The following GABRB3 variants were observed in gnomAD, a reference collection of about 807,000 sequenced individuals.
GABRB3 encodes the protein gamma-aminobutyric acid receptor subunit beta-3.
Under a neutral mutation model 52.1 loss-of-function variants are expected in GABRB3, and 14 were observed. That is an observed-to-expected ratio of 0.27 (90% CI 0.18 to 0.42). GABRB3 has a LOEUF of 0.42. Ranked by LOEUF, GABRB3 falls within the 10% of genes least tolerant of loss-of-function variation. The pLI is 1.00. For synonymous variants in GABRB3, 260 were observed against 232.3 expected, an observed-to-expected ratio of 1.12 and a Z score of -1.08; for missense variants, 307 against 609.1, an observed-to-expected ratio of 0.50 and a Z score of 5.22.
intron 4 of GABRB3, among the ~76,000 whole-genome samples, chr15:26,587,636 TGTGCAGGAGTTGC>T (rs1891042672): frequency 6.6e-6 from 1 of 152,096 alleles, no homozygotes; most frequent in South Asian, 2.1e-4. Context: ...TCTCAAAGCT[TGTGCAGGAGTTGC>T]GTTAAGGTTG....
chr15:26,698,670 A>G (rs1888826857), intron 3 of GABRB3, among the ~76,000 whole-genome samples: 1 of 152,170 alleles, frequency 6.6e-6, no homozygotes, highest in African/African-American at 2.4e-5. Context: ...GTCTGATGGG[A>G]GATGAGCGAT....
rs760668429 is a variant in GABRB3 at position 26,544,838 on chromosome 15, C to G, written c.*2955G>C. On this transcript the variant is annotated 3_prime_UTR_variant, in exon 9 of 9. Transcript: ENST00000311550. Reference sequence around the variant, plus strand: ...GTTAAGAAAGAAATCTCATTATATCCCCAATGATAACGTTTCTGTCCTTAC... The same window carrying G: ...GTTAAGAAAGAAATCTCATTATATCGCCAATGATAACGTTTCTGTCCTTAC... 2.0e-5 allele frequency: 3 copies of G among 152,546 alleles called. No individual in the cohort carries two copies. Among genetic ancestry groups the G allele is most frequent in the Non-Finnish European group, 4.4e-5 (3 of 68,034 alleles). 9.4% of individuals were successfully genotyped at this position (152,546 alleles called of 1,614,324 possible).
At chr15:26,664,701 TTTG>T (rs1306363078) in intron 3 of GABRB3, among the ~76,000 whole-genome samples, 4 of 116,584 alleles carry the variant, frequency 3.4e-5, no homozygotes, top group East Asian at 5.4e-4. Flanking sequence ...TTTTCTTTTC[TTTG>T]TTTTTTTTTT....
rs1267300589 is a variant in GABRB3 at position 26,717,128 on chromosome 15, G to C, written c.240+55274C>G. Among the ~76,000 whole-genome samples, 22 of 77,540 alleles carry C rather than the reference G, an allele frequency of 2.8e-4. 3 individuals carry two copies. The highest frequency in any genetic ancestry group is 4.9e-4 in the South Asian group (1 of 2,038). The allele number at this position is 77,540 out of a possible 152,430, so 50.9% of individuals were successfully genotyped here. On this transcript the variant is annotated intron_variant, in intron 3 of 8. Coordinates refer to ENST00000311550, the MANE Select transcript of GABRB3 (RefSeq NM_000814.6). ...CCAGTTCTGGGGACATCCGCCCAATGACAGCCCAGCTCTGAGGACCTCCAC... is the reference window on the plus strand; with the variant it reads ...CCAGTTCTGGGGACATCCGCCCAATCACAGCCCAGCTCTGAGGACCTCCAC...
At chr15:26,722,390 G>A (rs1445764457) in intron 3 of GABRB3, among the ~76,000 whole-genome samples, 1 of 152,142 alleles carries the variant, frequency 6.6e-6, no homozygotes, top group Non-Finnish European at 1.5e-5. Context: ...AAACACTGAG[G>A]CCCTCCAGTT....
chr15:26,722,770 T>C (rs1889676136), intron 3 of GABRB3, among the ~76,000 whole-genome samples: 1 of 152,162 alleles, frequency 6.6e-6, no homozygotes, highest in Admixed American at 6.5e-5. Flanking sequence ...ACACTCTTTC[T>C]GTTCCTTCAG....
rs77539004 is a variant in GABRB3 at position 26,615,922 on chromosome 15, G to C, written c.461+5392C>G. 3.6e-3 allele frequency: 4,678 copies of C among 1,286,498 alleles called. 152 individuals are homozygous for C. The African/African-American group carries it at 0.064, about 18-fold the overall frequency. 79.7% of individuals were successfully genotyped at this position (1,286,498 alleles called of 1,614,324 possible). Reference sequence around the variant, plus strand: ...ATCAGTAGGAAAGCAATCTCTGCTGGGCAGGACCTTCCTCAGCAGTACTTT... The same window carrying C: ...ATCAGTAGGAAAGCAATCTCTGCTGCGCAGGACCTTCCTCAGCAGTACTTT... On this transcript the variant is annotated intron_variant, in intron 4 of 8. Coordinates refer to ENST00000311550, the MANE Select transcript of GABRB3 (RefSeq NM_000814.6).
At chr15:26,651,984 G>C (rs1340453763) in intron 3 of GABRB3, among the ~76,000 whole-genome samples, 4 of 152,062 alleles carry the variant, frequency 2.6e-5, no homozygotes, top group African/African-American at 9.7e-5. Context: ...CCAGATCTAG[G>C]AGAGATTAAC....
intron 3 of GABRB3, among the ~76,000 whole-genome samples, chr15:26,690,424 C>T (rs1237487765): frequency 6.6e-6 from 1 of 152,054 alleles, no homozygotes; most frequent in Admixed American, 6.6e-5. Context: ...GGGACAAATA[C>T]ATTGGAGGCA....
intron 3 of GABRB3, among the ~76,000 whole-genome samples, chr15:26,715,111 T>TG (rs954862865): frequency 6.6e-6 from 1 of 152,018 alleles, no homozygotes; most frequent in Non-Finnish European, 1.5e-5. Context: ...CTTGAGGACC[T>TG]GGGGGGGTCT....
intron 3 of GABRB3, among the ~76,000 whole-genome samples, chr15:26,669,784 A>C (rs1887830887): frequency 6.6e-6 from 1 of 152,140 alleles, no homozygotes; most frequent in Non-Finnish European, 1.5e-5. Flanking sequence ...CATCTTCTAC[A>C]ACCACCATCA....
chr15:26,637,262 A>G (rs1445229625), intron 3 of GABRB3, among the ~76,000 whole-genome samples: 5 of 151,652 alleles, frequency 3.3e-5, no homozygotes, highest in Non-Finnish European at 7.4e-5. Flanking sequence ...TCCCCTAACA[A>G]CCTTCTCCTG....
intron 3 of GABRB3, chr15:26,624,119 T>C: frequency 1.1e-6 from 1 of 887,298 alleles, no homozygotes; most frequent in African/African-American, 1.8e-5. Flanking sequence ...AGCAAAGGCC[T>C]GAAAGGTTCT....
At chr15:26,625,011 A>T (rs1355399739) in intron 3 of GABRB3, 1 of 970,296 alleles carries the variant, frequency 1.0e-6, no homozygotes, top group African/African-American at 1.8e-5. Flanking sequence ...TATAATTATT[A>T]TCCTATATCG....
intron 3 of GABRB3, among the ~76,000 whole-genome samples, chr15:26,718,779 A>T (rs59707843): frequency 6.6e-6 from 1 of 152,258 alleles, no homozygotes; most frequent in African/African-American, 2.4e-5. Context: ...AAAAATGCCA[A>T]CTTAATCCTG....
Position 26,547,680 on chromosome 15 carries a change from A to G in GABRB3, c.*113T>C, listed in dbSNP as rs1015299942. 6 of 777,192 alleles carry G rather than the reference A, an allele frequency of 7.7e-6. No individual in the cohort carries two copies. The highest frequency in any genetic ancestry group is 1.3e-5 in the Non-Finnish European group (6 of 448,442). 48.1% of individuals were successfully genotyped at this position (777,192 alleles called of 1,614,324 possible). On this transcript the variant is annotated 3_prime_UTR_variant, in exon 9 of 9. Coordinates refer to ENST00000311550, the MANE Select transcript of GABRB3 (RefSeq NM_000814.6). ...CATATATATACAATTGCGTATGTAT[A>G]TATGTGTGTGTCTGCTTGTGTGTCT...
At chr15:26,609,926 AC>A (rs1371323582) in intron 4 of GABRB3, among the ~76,000 whole-genome samples, 1 of 151,970 alleles carries the variant, frequency 6.6e-6, no homozygotes, top group East Asian at 1.9e-4. Flanking sequence ...ATAGAAATTG[AC>A]CCTCCCCATC....
intron 4 of GABRB3, chr15:26,614,239 T>G (rs1007081331): frequency 6.6e-6 from 1 of 152,138 alleles, no homozygotes; most frequent in Admixed American, 6.5e-5. Flanking sequence ...TGTTTCCAAC[T>G]AAAGTTTGAA....
Position 26,551,082 on chromosome 15 carries a change from T to C in GABRB3, c.1081-2948A>G, listed in dbSNP as rs898841217. On this transcript the variant is annotated intron_variant, in intron 8 of 8. Coordinates refer to ENST00000311550, the MANE Select transcript of GABRB3 (RefSeq NM_000814.6). ...GAGACAGATGAGGTCACTGTCATCA[T>C]CACTGTCATTATCACTTTCGTATCC... 6.6e-5 allele frequency among the ~76,000 whole-genome samples: 10 copies of C among 152,340 alleles called. No individual in the cohort carries two copies. In the East Asian group the frequency reaches 1.9e-3, roughly 29 times the overall value.
Sources: allele counts gnomAD v4.1 joint callset (sites outside exome capture counted in the v4.1 genomes callset), GRCh38; gene constraint gnomAD v4.1.1; transcripts MANE v1.5; gene names NCBI Gene and HGNC (gene_info 2026-07-23, HGNC 2026-07-21).